Variants in QTRT1 observed in about 807,000 individuals in gnomAD.
QTRT1 encodes the protein queuine tRNA-ribosyltransferase catalytic subunit 1, also known as TGT, 43-KD subunit.
QTRT1 carries 41 observed loss-of-function variants against 44.0 expected under a neutral mutation model. That is an observed-to-expected ratio of 0.93 (90% CI 0.73 to 1.21). The LOEUF is 1.21. Among genes scored for constraint, QTRT1 ranks in the 50% most tolerant of loss-of-function variants. QTRT1 has a pLI of 0.00. For synonymous variants in QTRT1, 226 were observed against 237.1 expected, an observed-to-expected ratio of 0.95 and a Z score of 0.43; for missense variants, 542 against 575.8, an observed-to-expected ratio of 0.94 and a Z score of 0.60.
At chr19:10,707,687 G>A in intron 5 of QTRT1, 72 bp downstream of exon 5, 2 of 1,130,408 alleles carry the variant, frequency 1.8e-6, no homozygotes, top group South Asian at 1.5e-5. Context: ...GCGTATGGCG[G>A]GACTGGATTG....
In QTRT1 at chr19:10,702,262, G is replaced by A. The variant is rs1408822488; in HGVS notation, c.451+8G>A. 6.2e-7 allele frequency: 1 copy of A among 1,612,752 alleles called. No homozygotes were observed. The highest frequency in any genetic ancestry group is 2.2e-5 in the East Asian group (1 of 44,834). Reference sequence around the variant, plus strand: ...AGATCCAGAATGCGCTGGGTGAGAGGACCCTGGGGAGCCGCCTCCTTACCC... The same window carrying A: ...AGATCCAGAATGCGCTGGGTGAGAGAACCCTGGGGAGCCGCCTCCTTACCC... On this transcript the variant is annotated splice_region_variant and intron_variant, in intron 3 of 9. Transcript: ENST00000250237.
Position 10,707,534 on chromosome 19 carries a change from C to G in QTRT1, c.565C>G (p.His189Asp). ...CTGGCTGGACCGGTGCATTGCAGCC[C>G]ATCAGCGGCCGGACAAGCAGAACCT... ...IRWLDRCIAAHQRPDKQNLFA... is the reference protein window; with the variant it reads ...IRWLDRCIAADQRPDKQNLFA... The change falls in exon 5 of 10, where the codon CAT (histidine) becomes GAT (aspartate). Residue 189 changes from histidine to aspartate, a missense_variant. Physicochemically the swap from His to Asp is moderately conservative, Grantham distance 81 (BLOSUM62 -1). Transcript: ENST00000250237. The G allele has an allele frequency of 1.9e-6, 3 of 1,613,256 alleles. No homozygotes were observed. Among genetic ancestry groups the G allele is most frequent in the Non-Finnish European group, 2.5e-6 (3 of 1,179,586 alleles).
In QTRT1 at chr19:10,701,451, G is replaced by T; in HGVS notation, c.-10G>T. 6.5e-7 allele frequency: 1 copy of T among 1,537,516 alleles called. No individual in the cohort carries two copies. On this transcript the variant is annotated 5_prime_UTR_variant, in exon 1 of 10. Transcript: ENST00000250237. The stretch of plus-strand genomic sequence containing the variant: ...TGTGTGGTACGGCCCACGTGGTTCC[G>T]ACAGTCAAGATGGCGGGAGCAGCTA...
At position 10,713,225 on chromosome 19, in the gene QTRT1, C is replaced by T. The variant is rs748357640; in HGVS notation, c.1167C>T (p.Thr389=). The T allele has an allele frequency of 6.2e-7, 1 of 1,605,028 alleles. No homozygotes were observed. Among genetic ancestry groups the T allele is most frequent in the Admixed American group, 1.7e-5 (1 of 59,524 alleles). ...AMYGDPTLCP[T]WATDALASVG... ...ACGGGGATCCCACCCTCTGTCCCACCTGGGCCACTGACGCTCTGGCCTCTG... is the reference window on the plus strand; with the variant it reads ...ACGGGGATCCCACCCTCTGTCCCACTTGGGCCACTGACGCTCTGGCCTCTG... Residue 389 remains threonine, a synonymous_variant, in exon 10 of 10, where the codon ACC becomes ACT. Coordinates refer to ENST00000250237, the MANE Select transcript of QTRT1 (RefSeq NM_031209.3). The surrounding 1 kb of genome is among the most constrained non-coding windows in gnomAD (Gnocchi z 4.3).
rs2068742771 is a variant in QTRT1 at position 10,712,340 on chromosome 19, A to G, written c.785+41A>G. ...GGAAGCCAGAGCCCTACCTGTGGGA[A>G]GTGGATTCCTGGGGACCCCCTACCC... On this transcript the variant is annotated intron_variant, in intron 6 of 9. Transcript: ENST00000250237. The surrounding 1 kb of genome is among the most constrained non-coding windows in gnomAD (Gnocchi z 5.6). 6.3e-7 allele frequency: 1 copy of G among 1,580,094 alleles called. No homozygotes were observed.
rs184979851 is a variant in QTRT1, at chr19:10,713,073, G to T, written c.1059+33G>T. On this transcript the variant is annotated intron_variant, in intron 9 of 9. Transcript: ENST00000250237. The surrounding 1 kb of genome is among the most constrained non-coding windows in gnomAD (Gnocchi z 4.3). Reference sequence around the variant, plus strand: ...AGTGCCCGGGGCAAGGTGGGCGGGGGTGTCCTAGGTGCGTATGCCCCACGC... The same window carrying T: ...AGTGCCCGGGGCAAGGTGGGCGGGGTTGTCCTAGGTGCGTATGCCCCACGC... The T allele has an allele frequency of 4.3e-4, 696 of 1,608,936 alleles. 3 individuals carry two copies. In the African/African-American group the frequency reaches 7.5e-3, roughly 17 times the overall value.
At chr19:10,704,443 G>A (rs1026529979) in intron 3 of QTRT1, among the ~76,000 whole-genome samples, 2 of 151,454 alleles carry the variant, frequency 1.3e-5, no homozygotes, top group Admixed American at 6.6e-5. Flanking sequence ...ACAGGCACCC[G>A]CCATTACGCC....
Position 10,712,057 on chromosome 19 carries a change from C to A in QTRT1, c.647-104C>A. ...TGTCTGTCTCTGTCTGTTTCTCTGA[C>A]TCTCTCCCTGAGCGACTCTGGAAGT... On this transcript the variant is annotated intron_variant, in intron 5 of 9. Transcript: ENST00000250237. This position sits in a 1 kb window ranked among gnomAD's most constrained non-coding sequence, Gnocchi z 5.6. 1 of 1,432,164 alleles carries A rather than the reference C, an allele frequency of 7.0e-7. No homozygotes were observed. Among genetic ancestry groups the A allele is most frequent in the Non-Finnish European group, 9.7e-7 (1 of 1,030,062 alleles). The allele number at this position is 1,432,164 out of a possible 1,614,324, so 88.7% of individuals were successfully genotyped here. A position where few individuals can be genotyped will look rare whatever the true frequency, so the allele number is the denominator to read the frequency against.
rs145429723 is a variant in QTRT1, at chr19:10,713,029, A to G, written c.1048A>G (p.Ile350Val). The change falls in exon 9 of 10, where the codon ATC (isoleucine) becomes GTC (valine). Residue 350 changes from isoleucine to valine, a missense_variant. Transcript: ENST00000250237. The surrounding 1 kb of genome is among the most constrained non-coding windows in gnomAD (Gnocchi z 4.3). Reference sequence around the variant, plus strand: ...GCTGCACCACCTCACGGTCCACAACATCGCCTACCAGGTGAGCCAGTGCCC... The same window carrying G: ...GCTGCACCACCTCACGGTCCACAACGTCGCCTACCAGGTGAGCCAGTGCCC... ...AALHHLTVHN[I>V]AYQLQLMSAV... is the part of the protein sequence containing the mutation. 38 of 1,611,060 alleles carry G rather than the reference A, an allele frequency of 2.4e-5. No homozygotes were observed. In the African/African-American group the frequency reaches 3.9e-4, roughly 16 times the overall value.
At chr19:10,705,539 CT>C (rs2068709392) in intron 3 of QTRT1, among the ~76,000 whole-genome samples, 2 of 150,658 alleles carry the variant, frequency 1.3e-5, no homozygotes, top group South Asian at 2.1e-4. Context: ...ACGCCTGCCC[CT>C]TTTTTTCTTT....
Position 10,707,305 on chromosome 19 carries a change from C to G in QTRT1, c.455C>G (p.Ser152Trp), listed in dbSNP as rs1254378523. ...KSVQIQNALG[S>W]DIIMQLDDVV... ...GTTGCCCCCATCTCACCATCAGGCT[C>G]GGACATCATCATGCAGCTGGACGAC... The change falls in exon 4 of 10, where the codon TCG (serine) becomes TGG (tryptophan). Residue 152 changes from serine to tryptophan, a missense_variant. Ser to Trp is a radical substitution (Grantham distance 177, BLOSUM62 -3). Transcript: ENST00000250237. 1 of 1,614,056 alleles carries G rather than the reference C, an allele frequency of 6.2e-7. No homozygotes were observed. The highest frequency in any genetic ancestry group is 8.5e-7 in the Non-Finnish European group (1 of 1,180,028).
intron 3 of QTRT1, among the ~76,000 whole-genome samples, chr19:10,703,675 C>A (rs1279347824): frequency 1.3e-5 from 2 of 151,734 alleles, no homozygotes; most frequent in Non-Finnish European, 2.9e-5. Context: ...CCCGCTACCA[C>A]ACCCAGCTAA....
rs145906117 is a variant in QTRT1, at chr19:10,707,232, C to T, written c.452-70C>T. 8.5e-5 allele frequency: 127 copies of T among 1,502,390 alleles called. 1 individual carries two copies. In the South Asian group the frequency reaches 8.5e-4, roughly 10 times the overall value. 93.1% of individuals were successfully genotyped at this position (1,502,390 alleles called of 1,614,324 possible). A position where few individuals can be genotyped will look rare whatever the true frequency, so the allele number is the denominator to read the frequency against. The stretch of plus-strand genomic sequence containing the variant: ...GCTCTTGGGGAAGTCCAACTTGTCC[C>T]CATGTGACGGCAGGCTTTCCCCAAG... On this transcript the variant is annotated intron_variant, in intron 3 of 9. Transcript: ENST00000250237.
chr19:10,707,842 T>G (rs1266061566), intron 5 of QTRT1, among the ~76,000 whole-genome samples: 4 of 152,076 alleles, frequency 2.6e-5, no homozygotes, highest in African/African-American at 4.8e-5. Flanking sequence ...TTTTGTTTTT[T>G]TTTTTGAGAC....
intron 3 of QTRT1, among the ~76,000 whole-genome samples, chr19:10,704,735 G>A (rs2068705243): frequency 6.6e-6 from 1 of 151,188 alleles, no homozygotes; most frequent in Non-Finnish European, 1.5e-5. Flanking sequence ...TGACAGGCAT[G>A]CGCCACCATG....
Position 10,706,793 on chromosome 19 carries a change from C to T in QTRT1, c.452-509C>T, listed in dbSNP as rs116730397. 554 of 159,030 alleles carry T rather than the reference C, an allele frequency of 3.5e-3. 4 individuals carry two copies. The highest frequency in any genetic ancestry group is 0.013 in the African/African-American group (503 of 39,494). 9.9% of individuals were successfully genotyped at this position (159,030 alleles called of 1,614,324 possible). A position where few individuals can be genotyped will look rare whatever the true frequency, so the allele number is the denominator to read the frequency against. ...TGTCTCCCAGATTCAAGCTATTCTC[C>T]TGTCTCTGCCTTCCAAGCAGCTGGG... On this transcript the variant is annotated intron_variant, in intron 3 of 9. Transcript: ENST00000250237.
chr19:10,706,752 G>C (rs2068715511), intron 3 of QTRT1: 1 of 152,158 alleles, frequency 6.6e-6, no homozygotes, highest in South Asian at 2.0e-4. Context: ...GCACAATCTT[G>C]GCTCACTGCT....
At chr19:10,702,064 G>T in intron 2 of QTRT1, 46 bp downstream of exon 2, 1 of 1,614,192 alleles carries the variant, frequency 6.2e-7, no homozygotes, top group African/African-American at 1.3e-5. Flanking sequence ...TCTCTGGAGT[G>T]AAGGGTCCCC....
At chr19:10,710,372 A>T (rs984713513) in intron 5 of QTRT1, among the ~76,000 whole-genome samples, 8 of 151,812 alleles carry the variant, frequency 5.3e-5, no homozygotes, top group Non-Finnish European at 8.8e-5. Context: ...GCTGGAGTGC[A>T]GTGGCACCAT....
Sources: gnomAD v4.1 joint callset for allele counts (sites outside exome capture counted in the v4.1 genomes callset) on GRCh38, gnomAD v4.1.1 for gene constraint, Gnocchi (gnomAD v3.1) non-coding constraint, MANE v1.5 for transcripts, NCBI Gene and HGNC (gene_info 2026-07-23, HGNC 2026-07-21) for gene names.